The following PROS1 variants were observed in gnomAD, a reference collection of about 807,000 sequenced individuals.
PROS1 encodes the protein protein S, also known as vitamin K-dependent protein S.
In PROS1, 29 loss-of-function variants were observed where a neutral mutation model predicts 75.9. That is an observed-to-expected ratio of 0.38 (90% CI 0.28 to 0.52). The LOEUF is 0.52. Ranked by LOEUF, PROS1 falls within the 20% of genes least tolerant of loss-of-function variation. The pLI is 0.83. For synonymous variants in PROS1, 245 were observed against 280.6 expected, an observed-to-expected ratio of 0.87 and a Z score of 1.27; for missense variants, 680 against 810.3, an observed-to-expected ratio of 0.84 and a Z score of 1.95.
chr3:93,947,597 C>T (rs532728322), intron 1 of PROS1, among the ~76,000 whole-genome samples: 5 of 152,042 alleles, frequency 3.3e-5, no homozygotes, highest in Non-Finnish European at 5.9e-5. Flanking sequence ...GAGACAGTCT[C>T]GCTCTGTCGC....
At chr3:93,967,468 G>A (rs1709808979) in intron 1 of PROS1, among the ~76,000 whole-genome samples, 1 of 152,184 alleles carries the variant, frequency 6.6e-6, no homozygotes. Context: ...TATCTGGAAG[G>A]AGCTAACCTT....
intron 1 of PROS1, among the ~76,000 whole-genome samples, chr3:93,965,719 G>A (rs1709778762): frequency 6.6e-6 from 1 of 152,166 alleles, no homozygotes; most frequent in African/African-American, 2.4e-5. Flanking sequence ...ATTTTTTATA[G>A]AGTCTCATTC....
intron 12 of PROS1, among the ~76,000 whole-genome samples, chr3:93,883,495 G>A (rs1708302870): frequency 6.6e-6 from 1 of 152,042 alleles, no homozygotes; most frequent in Admixed American, 6.6e-5. Context: ...TCAGGAGGCT[G>A]AGGCATGAGA....
intron 1 of PROS1, among the ~76,000 whole-genome samples, chr3:93,948,839 C>T (rs1169648931): frequency 6.6e-6 from 1 of 152,146 alleles, no homozygotes; most frequent in Non-Finnish European, 1.5e-5. Flanking sequence ...ACTTCAATTA[C>T]TTCTATTTCC....
Position 93,940,720 on chromosome 3 carries a change from C to G in PROS1, c.77-13313G>C, listed in dbSNP as rs547943636. On this transcript the variant is annotated intron_variant, in intron 1 of 14. Transcript: ENST00000394236. ...ATGTCCATTACTATCCCATTAAACC[C>G]TAATCACCATTACCTTGCTCAACAC... is the stretch of plus-strand genomic sequence containing the variant. 3.3e-5 allele frequency among the ~76,000 whole-genome samples: 5 copies of G among 152,206 alleles called. No individual in the cohort carries two copies. In the East Asian group the frequency reaches 7.7e-4, roughly 24 times the overall value.
chr3:93,923,699 A>T (rs1454447547), intron 3 of PROS1, among the ~76,000 whole-genome samples: 2 of 152,120 alleles, frequency 1.3e-5, no homozygotes, highest in Non-Finnish European at 1.5e-5. Flanking sequence ...CAGGAGTTCA[A>T]GACTACCCTG....
chr3:93,956,992 C>A (rs957428969), intron 1 of PROS1, among the ~76,000 whole-genome samples: 3 of 151,656 alleles, frequency 2.0e-5, no homozygotes, highest in Non-Finnish European at 4.4e-5. Context: ...AGAAAATTAA[C>A]CTGAGGAAAT....
intron 1 of PROS1, among the ~76,000 whole-genome samples, chr3:93,968,549 A>G (rs1336189774): frequency 6.6e-6 from 1 of 152,154 alleles, no homozygotes; most frequent in African/African-American, 2.4e-5. Flanking sequence ...GGGGACTAAT[A>G]CAGTTACCTA....
chr3:93,884,703 T>C (rs1708321359), intron 12 of PROS1, 25 bp downstream of exon 12: 1 of 1,592,606 alleles, frequency 6.3e-7, no homozygotes, highest in Non-Finnish European at 8.6e-7. Context: ...AATGAGAAAA[T>C]AGAGATAAAT....
At chr3:93,908,677 G>A (rs1708711764) in intron 4 of PROS1, among the ~76,000 whole-genome samples, 1 of 152,200 alleles carries the variant, frequency 6.6e-6, no homozygotes, top group South Asian at 2.1e-4. Context: ...ATATTTCACA[G>A]TACAAATGGC....
intron 3 of PROS1, among the ~76,000 whole-genome samples, chr3:93,918,260 C>T (rs1424983164): frequency 1.3e-5 from 2 of 152,040 alleles, no homozygotes; most frequent in Admixed American, 6.6e-5. Flanking sequence ...GGATTGTAAA[C>T]GCACCAATCA....
chr3:93,960,518 C>G (rs577682629), intron 1 of PROS1, among the ~76,000 whole-genome samples: 2 of 149,702 alleles, frequency 1.3e-5, no homozygotes, highest in East Asian at 3.9e-4. Flanking sequence ...AACAAGTACA[C>G]CACCTCCATT....
chr3:93,958,188 T>C (rs1709640105), intron 1 of PROS1, among the ~76,000 whole-genome samples: 1 of 152,184 alleles, frequency 6.6e-6, no homozygotes, highest in African/African-American at 2.4e-5. Flanking sequence ...GTAAGATATA[T>C]GTAAAATAAA....
intron 7 of PROS1, among the ~76,000 whole-genome samples, chr3:93,899,469 T>C (rs12486151): frequency 0.013 from 1,948 of 152,256 alleles, 156 homozygotes; most frequent in Admixed American, 0.11. Flanking sequence ...AAGAGTCATA[T>C]ATAAATCTTT....
intron 1 of PROS1, among the ~76,000 whole-genome samples, chr3:93,936,147 G>A (rs1333354987): frequency 6.6e-6 from 1 of 151,830 alleles, no homozygotes; most frequent in African/African-American, 2.4e-5. Flanking sequence ...ACCCAGTGTG[G>A]CTATATTTGG....
intron 1 of PROS1, among the ~76,000 whole-genome samples, chr3:93,950,022 C>T (rs541220019): frequency 6.6e-6 from 1 of 152,186 alleles, no homozygotes; most frequent in African/African-American, 2.4e-5. Flanking sequence ...AAATGGCACA[C>T]CAGGAGATTA....
At chr3:93,899,388 A>T (rs1559933479) in intron 7 of PROS1, among the ~76,000 whole-genome samples, 2 of 152,166 alleles carry the variant, frequency 1.3e-5, no homozygotes, top group South Asian at 2.1e-4. Context: ...GTTCTCATAA[A>T]ATAATTTAAA....
chr3:93,923,715 C>T (rs1408906133), intron 3 of PROS1, among the ~76,000 whole-genome samples: 1 of 152,122 alleles, frequency 6.6e-6, no homozygotes, highest in Non-Finnish European at 1.5e-5. Context: ...CCCTGGCCAA[C>T]ATGGCGAAAC....
chr3:93,955,617 C>A (rs1709586388), intron 1 of PROS1, among the ~76,000 whole-genome samples: 1 of 151,694 alleles, frequency 6.6e-6, no homozygotes, highest in African/African-American at 2.4e-5. Flanking sequence ...AGGAGATATG[C>A]CTGATGTAAA....
Sources: gnomAD v4.1 joint callset for allele counts (sites outside exome capture counted in the v4.1 genomes callset) on GRCh38, gnomAD v4.1.1 for gene constraint, MANE v1.5 for transcripts, NCBI Gene and HGNC (gene_info 2026-07-23, HGNC 2026-07-21) for gene names.